TMEM144: variants seen among roughly 807,000 people sequenced by gnomAD.
The protein encoded by TMEM144 is transmembrane protein 144.
In TMEM144, 39 loss-of-function variants were observed where a neutral mutation model predicts 43.6. That is an observed-to-expected ratio of 0.90 (90% CI 0.69 to 1.17). The LOEUF (loss-of-function observed/expected upper bound fraction) is 1.17. Among genes scored for constraint, TMEM144 ranks in the 50% most tolerant of loss-of-function variants. TMEM144 has a pLI of 0.00. For missense variants in TMEM144, 417 were observed against 411.9 expected, an observed-to-expected ratio of 1.01 and a Z score of -0.11; for synonymous variants, 154 against 133.6, an observed-to-expected ratio of 1.15 and a Z score of -1.06.
chr4:158,226,043 G>A (rs1734749232), intron 6 of TMEM144, among the ~76,000 whole-genome samples: 1 of 152,224 alleles, frequency 6.6e-6, no homozygotes, highest in African/African-American at 2.4e-5. Flanking sequence ...CCTGCCATGT[G>A]CACAAGCATA....
At chr4:158,237,667 T>G in intron 9 of TMEM144, 24 bp downstream of exon 9, 1 of 1,416,028 alleles carries the variant, frequency 7.1e-7, no homozygotes, top group Non-Finnish European at 9.9e-7. Flanking sequence ...GTTATCTTAC[T>G]TTATTAATAT....
At chr4:158,236,591 A>G (rs960971741) in intron 8 of TMEM144, among the ~76,000 whole-genome samples, 2 of 152,108 alleles carry the variant, frequency 1.3e-5, no homozygotes, top group Non-Finnish European at 2.9e-5. Flanking sequence ...ATGTTACTTT[A>G]TAGTACTATT....
intron 6 of TMEM144, among the ~76,000 whole-genome samples, chr4:158,230,548 A>G (rs780381982): frequency 2.0e-5 from 3 of 152,078 alleles, no homozygotes; most frequent in African/African-American, 4.8e-5. Context: ...AATTTTGAGA[A>G]CAAAATGCCA....
chr4:158,253,887 T>C lies in TMEM144; in HGVS notation c.*360T>C, dbSNP rs41494044. On this transcript the variant is annotated 3_prime_UTR_variant, in exon 13 of 13. Transcript: ENST00000296529. ...GAGTCCATATACAAAGAAGTTACAGTCCATATTTCTCACCTATTACCCCAG... is the reference window on the plus strand; with the variant it reads ...GAGTCCATATACAAAGAAGTTACAGCCCATATTTCTCACCTATTACCCCAG... 0.21 allele frequency: 33,531 copies of C among 163,300 alleles called. 3,597 individuals carry two copies. The highest frequency in any genetic ancestry group is 0.28 in the Middle Eastern group (90 of 320). 10.1% of individuals were successfully genotyped at this position (163,300 alleles called of 1,614,324 possible).
intron 12 of TMEM144, among the ~76,000 whole-genome samples, chr4:158,246,207 A>G (rs1226376375): frequency 6.6e-6 from 1 of 152,196 alleles, no homozygotes; most frequent in Non-Finnish European, 1.5e-5. Context: ...TGAGGAATAT[A>G]TGCAAATACT....
Position 158,219,943 on chromosome 4 carries a change from A to C in TMEM144, c.413+553A>C, listed in dbSNP as rs557310654. Among the ~76,000 whole-genome samples the C allele has an allele frequency of 2.6e-5, 4 of 152,288 alleles. No individual in the cohort carries two copies. In the East Asian group the frequency reaches 7.7e-4, roughly 29 times the overall value. ...ATCTGTGTCTAGCTGTATGCACTCT[A>C]CGAATAAGGGTGAAAATGACTTTGA... On this transcript the variant is annotated intron_variant, in intron 6 of 12. Transcript: ENST00000296529.
Position 158,241,516 on chromosome 4 carries a change from G to A in TMEM144, c.810G>A (p.Leu270=). 2 of 1,613,534 alleles carry A rather than the reference G, an allele frequency of 1.2e-6. No individual in the cohort carries two copies. Among genetic ancestry groups the A allele is most frequent in the South Asian group, 1.1e-5 (1 of 91,036 alleles). The change falls in exon 11 of 13, where the codon CTG becomes CTA. Residue 270 remains leucine, a synonymous_variant. Transcript: ENST00000296529. ...GTTGTCTTTGTATTTCAGGATTCCT[G>A]TCAGGAGTACTTTGGGCTATAGCTA... The part of the protein sequence containing the change: ...LYPEAVLPGF[L]SGVLWAIATC...
At chr4:158,247,250 A>G (rs1276299295) in intron 12 of TMEM144, among the ~76,000 whole-genome samples, 1 of 152,044 alleles carries the variant, frequency 6.6e-6, no homozygotes, top group Non-Finnish European at 1.5e-5. Flanking sequence ...AAAACAAAAT[A>G]GCAATTATAT....
chr4:158,251,220 A>T (rs1234202329), intron 12 of TMEM144, among the ~76,000 whole-genome samples: 1 of 152,192 alleles, frequency 6.6e-6, no homozygotes, highest in Non-Finnish European at 1.5e-5. Context: ...TGTAATGTTC[A>T]AACCTTCCCT....
chr4:158,237,386 A>G (rs1735402049), intron 8 of TMEM144, 139 bp from the exon 9 acceptor site: 2 of 660,778 alleles, frequency 3.0e-6, no homozygotes, highest in East Asian at 5.2e-5. Context: ...GACTTCCGCC[A>G]GTCACAGAGC....
At chr4:158,212,510 CTT>C (rs1734007485) in intron 2 of TMEM144, 96 bp from the exon 3 acceptor site, 2 of 545,644 alleles carry the variant, frequency 3.7e-6, no homozygotes, top group South Asian at 3.0e-5. Flanking sequence ...AAAAAGGAGT[CTT>C]AGCGTGCTTT....
chr4:158,222,596 T>A (rs1246254802), intron 6 of TMEM144, among the ~76,000 whole-genome samples: 1 of 152,256 alleles, frequency 6.6e-6, no homozygotes, highest in Non-Finnish European at 1.5e-5. Context: ...AGAGTCTACT[T>A]TGTATTACTT....
At chr4:158,239,435 T>C (rs1282084278) in intron 9 of TMEM144, among the ~76,000 whole-genome samples, 2 of 152,350 alleles carry the variant, frequency 1.3e-5, no homozygotes, top group East Asian at 1.9e-4. Flanking sequence ...TGGGCCACCA[T>C]GATGTGATAT....
At chr4:158,225,251 G>A (rs1734705989) in intron 6 of TMEM144, among the ~76,000 whole-genome samples, 1 of 152,108 alleles carries the variant, frequency 6.6e-6, no homozygotes, top group Non-Finnish European at 1.5e-5. Flanking sequence ...CCTTGGCCAG[G>A]GCCCTATAGT....
At chr4:158,221,902 G>T (rs1734526975) in intron 6 of TMEM144, among the ~76,000 whole-genome samples, 1 of 152,152 alleles carries the variant, frequency 6.6e-6, no homozygotes, top group African/African-American at 2.4e-5. Flanking sequence ...TAAACCATTT[G>T]TTCCTTTCTC....
At chr4:158,213,503 C>T (rs1290280698) in intron 3 of TMEM144, 3 of 152,196 alleles carry the variant, frequency 2.0e-5, no homozygotes, top group African/African-American at 7.2e-5. Context: ...TGTTGTTCTC[C>T]TAGCCCCATT....
chr4:158,239,045 T>G (rs978752936), intron 9 of TMEM144, among the ~76,000 whole-genome samples: 1 of 152,232 alleles, frequency 6.6e-6, no homozygotes, highest in African/African-American at 2.4e-5. Context: ...ACCCTTTCTT[T>G]GTTTTACGAT....
intron 7 of TMEM144, chr4:158,235,088 C>T (rs1475750103): frequency 2.9e-5 from 5 of 172,328 alleles, no homozygotes; most frequent in Admixed American, 6.0e-5. Flanking sequence ...TGATCTTAAG[C>T]ATTCCATAGG....
chr4:158,235,486 A>G lies in TMEM144; in HGVS notation c.544A>G (p.Thr182Ala), dbSNP rs1735294047. The change falls in exon 8 of 13, where the codon ACA becomes GCA. Residue 182 changes from threonine (T) to alanine (A), a missense_variant. Coordinates refer to ENST00000296529, the MANE Select transcript of TMEM144 (RefSeq NM_018342.5). The part of the protein sequence containing the change: ...DPCSWVDKLS[T>A]VHHRIVGCSL... ...CTGTTCCTGGGTGGATAAACTTTCT[A>G]CAGTACACCACCGCATAGTGTAAGG... 1 of 1,613,902 alleles carries G rather than the reference A, an allele frequency of 6.2e-7. No individual in the cohort carries two copies.
Sources: gnomAD v4.1 joint callset for allele counts (sites outside exome capture counted in the v4.1 genomes callset) on GRCh38, gnomAD v4.1.1 for gene constraint, MANE v1.5 for transcripts, NCBI Gene and HGNC (gene_info 2026-07-23, HGNC 2026-07-21) for gene names.